The following AGGF1 variants were observed in gnomAD, a reference collection of about 807,000 sequenced individuals.
AGGF1 encodes angiogenic factor with G patch and FHA domains 1.
Under a neutral mutation model 86.5 loss-of-function variants are expected in AGGF1, and 56 were observed. That is an observed-to-expected ratio of 0.65 (90% CI 0.52 to 0.81). The LOEUF (loss-of-function observed/expected upper bound fraction) is 0.81, where lower values mean the gene tolerates loss of function less well. AGGF1 is among the 30% of genes least tolerant of loss of function. The probability of loss-of-function intolerance (pLI) is 0.00; values close to 1 mark genes in which losing one functional copy is unlikely to be tolerated. For synonymous variants in AGGF1, 313 were observed against 297.1 expected, an observed-to-expected ratio of 1.05 and a Z score of -0.55; for missense variants, 816 against 850.9, an observed-to-expected ratio of 0.96 and a Z score of 0.51.
chr5:77,063,865 A>T lies in AGGF1; in HGVS notation c.*613A>T, dbSNP rs1747614001. On this transcript the variant is annotated 3_prime_UTR_variant, in exon 14 of 14. Transcript: ENST00000312916. ...TGTTGCTATGTACTGTATATTCAGC[A>T]TTTATATTTGGTTTGTTTCATAGCT... is the stretch of plus-strand genomic sequence containing the variant. The T allele has an allele frequency of 6.5e-6, 1 of 153,112 alleles. No individual in the cohort carries two copies. Among genetic ancestry groups the T allele is most frequent in the South Asian group, 2.1e-4 (1 of 4,856 alleles). The allele number at this position is 153,112 out of a possible 1,614,324, so 9.5% of individuals were successfully genotyped here. A position where few individuals can be genotyped will look rare whatever the true frequency, so the allele number is the denominator to read the frequency against.
At chr5:77,034,273 AAAT>A (rs1195746171) in intron 1 of AGGF1, 142 bp from the exon 2 acceptor site, 13 of 646,380 alleles carry the variant, frequency 2.0e-5, no homozygotes, top group East Asian at 1.1e-4. Context: ...GTATAAAGTA[AAAT>A]AATAATTTTA....
intron 5 of AGGF1, 131 bp downstream of exon 5, chr5:77,039,850 A>G: frequency 1.3e-6 from 1 of 749,992 alleles, no homozygotes. Context: ...AACCTAGGAA[A>G]GTTTAGATGG....
chr5:77,056,562 A>G (rs1258409702), intron 11 of AGGF1, among the ~76,000 whole-genome samples: 2 of 151,562 alleles, frequency 1.3e-5, no homozygotes, highest in African/African-American at 2.4e-5. Flanking sequence ...GTGGTAGAAT[A>G]ATTGGATGGC....
At chr5:77,040,928 T>C (rs1747065876) in intron 5 of AGGF1, among the ~76,000 whole-genome samples, 2 of 152,136 alleles carry the variant, frequency 1.3e-5, no homozygotes, top group Admixed American at 1.3e-4. Context: ...AGTGGTGCCA[T>C]CATGGCTCAC....
chr5:77,033,884 G>A (rs1297779421), intron 1 of AGGF1, among the ~76,000 whole-genome samples: 4 of 152,124 alleles, frequency 2.6e-5, no homozygotes, highest in African/African-American at 9.7e-5. Context: ...ATTTTAGTGT[G>A]TGAAGTACAT....
intron 5 of AGGF1, among the ~76,000 whole-genome samples, chr5:77,040,420 T>TAC (rs199714893): frequency 3.6e-5 from 5 of 139,410 alleles, no homozygotes; most frequent in Non-Finnish European, 7.9e-5. Context: ...AGGAAAATAT[T>TAC]AAAAAAAAAA....
rs1330763133 is a variant in AGGF1 at position 77,046,341 on chromosome 5, C to T, written c.871-6C>T. 2 of 1,611,190 alleles carry T rather than the reference C, an allele frequency of 1.2e-6. No individual in the cohort carries two copies. Among genetic ancestry groups the T allele is most frequent in the African/African-American group, 1.3e-5 (1 of 74,858 alleles). On this transcript the variant is annotated splice_polypyrimidine_tract_variant and splice_region_variant and intron_variant, in intron 5 of 13. Transcript: ENST00000312916. ...TGTTCCCTCGTATCTACCCACCCTT[C>T]TCCAGGATTTGAACTCAGAGGATCA...
At chr5:77,034,551 A>G in intron 2 of AGGF1, 31 bp downstream of exon 2, 2 of 1,340,964 alleles carry the variant, frequency 1.5e-6, no homozygotes, top group South Asian at 2.3e-5. Flanking sequence ...ATATGCTAAC[A>G]CTGTTACATT....
intron 8 of AGGF1, among the ~76,000 whole-genome samples, chr5:77,052,147 G>A (rs1747381282): frequency 6.6e-6 from 1 of 152,136 alleles, no homozygotes; most frequent in African/African-American, 2.4e-5. Flanking sequence ...GAGCTCAGGA[G>A]TTTGAGACCA....
intron 2 of AGGF1, among the ~76,000 whole-genome samples, chr5:77,035,115 G>A (rs73764631): frequency 0.024 from 3,712 of 152,230 alleles, 70 homozygotes; most frequent in African/African-American, 0.055. Flanking sequence ...AAGTCTGCAT[G>A]GGGAGAGAAA....
intron 8 of AGGF1, among the ~76,000 whole-genome samples, chr5:77,050,306 CTTTTTTTTTT>C (rs10595061): frequency 0.013 from 1,026 of 76,600 alleles, 13 homozygotes; most frequent in African/African-American, 0.042. Flanking sequence ...TTCTTTGTTT[CTTTTTTTTTT>C]TTTTTTTTTT....
intron 8 of AGGF1, among the ~76,000 whole-genome samples, chr5:77,050,507 C>A (rs1160000864): frequency 6.6e-6 from 1 of 151,654 alleles, no homozygotes. Context: ...TTTTTTCTTT[C>A]ATTTAAACTA....
chr5:77,045,022 G>A (rs1460539207), intron 5 of AGGF1, among the ~76,000 whole-genome samples: 3 of 150,328 alleles, frequency 2.0e-5, no homozygotes, highest in African/African-American at 7.4e-5. Context: ...CCGAGATCGC[G>A]CCACTGCACT....
intron 5 of AGGF1, among the ~76,000 whole-genome samples, chr5:77,043,527 G>A (rs1747175660): frequency 2.0e-5 from 2 of 101,814 alleles, no homozygotes; most frequent in East Asian, 3.1e-4. Context: ...GGCTGGCCGG[G>A]CGGGGGGCTG....
intron 11 of AGGF1, among the ~76,000 whole-genome samples, chr5:77,056,707 A>T (rs936840742): frequency 1.3e-5 from 2 of 152,102 alleles, no homozygotes; most frequent in African/African-American, 2.4e-5. Context: ...CTTTTTTTTT[A>T]AAGGCAAAGA....
intron 1 of AGGF1, among the ~76,000 whole-genome samples, chr5:77,033,241 G>T (rs537546332): frequency 1.3e-5 from 2 of 152,218 alleles, no homozygotes. Context: ...GCTTGAGAAT[G>T]ATAACTGGAG....
chr5:77,043,594 C>CT (rs779476258), intron 5 of AGGF1, among the ~76,000 whole-genome samples: 3,053 of 97,622 alleles, frequency 0.031, 72 homozygotes, highest in Non-Finnish European at 0.049. Flanking sequence ...CTGACCCCCC[C>CT]CCCCCCGGAT....
At chr5:77,046,250 T>C (rs1453781772) in intron 5 of AGGF1, 97 bp from the exon 6 acceptor site, 1 of 1,036,672 alleles carries the variant, frequency 9.6e-7, no homozygotes, top group Non-Finnish European at 1.5e-6. Context: ...CTGACACATA[T>C]CTTCACGAAT....
intron 11 of AGGF1, among the ~76,000 whole-genome samples, chr5:77,056,460 T>G (rs1201104129): frequency 1.3e-5 from 2 of 151,754 alleles, no homozygotes; most frequent in African/African-American, 4.8e-5. Flanking sequence ...ACTCCTGACC[T>G]CAGGTGATCT....
Sources: allele counts gnomAD v4.1 joint callset (sites outside exome capture counted in the v4.1 genomes callset), GRCh38; gene constraint gnomAD v4.1.1; transcripts MANE v1.5; gene names NCBI Gene and HGNC (gene_info 2026-07-23, HGNC 2026-07-21).